FLI1: variants seen among roughly 807,000 people sequenced by gnomAD.
FLI1 encodes the protein Fli-1 proto-oncogene, ETS transcription factor.
In FLI1, 13 loss-of-function variants were observed where a neutral mutation model predicts 53.1. That is an observed-to-expected ratio of 0.24 (90% CI 0.16 to 0.39). The LOEUF (loss-of-function observed/expected upper bound fraction) is 0.39, where lower values mean the gene tolerates loss of function less well. FLI1 is among the 10% of genes least tolerant of loss of function. The pLI, the probability that FLI1 is intolerant of heterozygous loss-of-function variation, is 1.00. For missense variants in FLI1, 424 were observed against 600.5 expected (o/e 0.71, Z 3.07); for synonymous variants, 244 against 236.7 (o/e 1.03, Z -0.28).
chr11:128,729,915 C>T (rs758466616), intron 1 of FLI1, among the ~76,000 whole-genome samples: 11 of 152,242 alleles, frequency 7.2e-5, no homozygotes, highest in African/African-American at 2.2e-4. Context: ...AGAAGAACTG[C>T]ACCTTTTAGG....
At chr11:128,764,876 A>G (rs1941271078) in intron 2 of FLI1, 1 of 1,558,224 alleles carries the variant, frequency 6.4e-7, no homozygotes, top group Middle Eastern at 2.3e-4. Flanking sequence ...CAGCTGGGCA[A>G]GTGTGGGGAA....
chr11:128,742,030 A>G (rs559095498), intron 1 of FLI1, among the ~76,000 whole-genome samples: 1 of 152,004 alleles, frequency 6.6e-6, no homozygotes, highest in African/African-American at 2.4e-5. Context: ...CATCGTTCCT[A>G]CCATATTTAA....
intron 2 of FLI1, chr11:128,764,612 C>T (rs777787584): frequency 7.4e-5 from 112 of 1,519,766 alleles, no homozygotes; most frequent in Non-Finnish European, 9.4e-5. Flanking sequence ...TCGTCCCGCA[C>T]TCCCCCTCCC....
intron 2 of FLI1, among the ~76,000 whole-genome samples, chr11:128,767,872 T>C (rs551539792): frequency 1.3e-5 from 2 of 152,346 alleles, no homozygotes; most frequent in East Asian, 3.9e-4. Flanking sequence ...GACCTTGGTC[T>C]GAGGGCACTG....
At chr11:128,779,378 A>G (rs1455489243) in intron 4 of FLI1, among the ~76,000 whole-genome samples, 1 of 152,144 alleles carries the variant, frequency 6.6e-6, no homozygotes, top group East Asian at 1.9e-4. Context: ...TTCCCTCCGA[A>G]CATTTGGTTC....
Position 128,758,107 on chromosome 11 carries a change from C to T in FLI1, c.19-8C>T. ...ACTGGGCTTTCTGTCTCTTCTCTGG[C>T]CCTGCAGGAGGCTCTGTCGGTGGTG... On this transcript the variant is annotated splice_polypyrimidine_tract_variant and splice_region_variant and intron_variant, in intron 1 of 8. Transcript: ENST00000527786. 1 of 1,607,858 alleles carries T rather than the reference C, an allele frequency of 6.2e-7. No homozygotes were observed. The highest frequency in any genetic ancestry group is 8.5e-7 in the Non-Finnish European group (1 of 1,177,084).
chr11:128,768,299 C>G (rs530328798), intron 3 of FLI1, 27 bp downstream of exon 3: 1 of 1,592,474 alleles, frequency 6.3e-7, no homozygotes, highest in East Asian at 2.3e-5. Context: ...GCTGCCTGGG[C>G]GCCATTCACT....
chr11:128,809,057 C>A, intron 7 of FLI1, 100 bp from the exon 8 acceptor site: 2 of 896,208 alleles, frequency 2.2e-6, no homozygotes, highest in Non-Finnish European at 3.5e-6. Context: ...TTCCTGTGAT[C>A]TTGAAATAAA....
In FLI1 at chr11:128,772,846, C is replaced by T. The variant is rs1425646679; in HGVS notation, c.450C>T (p.Ser150=). 2 of 1,613,950 alleles carry T rather than the reference C, an allele frequency of 1.2e-6. No homozygotes were observed. The highest frequency in any genetic ancestry group is 1.3e-5 in the African/African-American group (1 of 75,028). Residue 150 remains serine (S), a synonymous_variant, in exon 4 of 9, where the codon AGC becomes AGT. Transcript: ENST00000527786. Reference sequence around the variant, plus strand: ...TGGAGTGGGCCATAAAGGAGTACAGCTTGATGGAGATCGACACATCCTTTT... The same window carrying T: ...TGGAGTGGGCCATAAAGGAGTACAGTTTGATGGAGATCGACACATCCTTTT... ...QWLEWAIKEY[S]LMEIDTSFFQ...
At chr11:128,770,031 G>T (rs373565539) in intron 3 of FLI1, among the ~76,000 whole-genome samples, 6 of 152,294 alleles carry the variant, frequency 3.9e-5, no homozygotes, top group African/African-American at 1.2e-4. Context: ...GGACTGAAGG[G>T]TTTGGGGATC....
intron 1 of FLI1, among the ~76,000 whole-genome samples, chr11:128,753,364 CTT>C (rs1940727266): frequency 6.6e-6 from 1 of 152,212 alleles, no homozygotes; most frequent in South Asian, 2.1e-4. Context: ...CCCCACAAGT[CTT>C]TTAAATAATA....
rs1280569764 is a variant in FLI1, at chr11:128,811,895, A to G, written c.*907A>G. On this transcript the variant is annotated 3_prime_UTR_variant, in exon 9 of 9. Transcript: ENST00000527786. ...TATTAAAAATAAATAATTAAAAATT[A>G]AGAATAAATAAACGAGTTGACCTCG... 1.0e-5 allele frequency: 2 copies of G among 196,870 alleles called. No individual in the cohort carries two copies. Among genetic ancestry groups the G allele is most frequent in the African/African-American group, 4.6e-5 (2 of 43,218 alleles). The allele number at this position is 196,870 out of a possible 1,614,324, so 12.2% of individuals were successfully genotyped here. A position where few individuals can be genotyped will look rare whatever the true frequency, so the allele number is the denominator to read the frequency against.
upstream of FLI1, among the ~76,000 whole-genome samples, chr11:128,688,922 A>G (rs1467733437): frequency 6.6e-6 from 1 of 152,184 alleles, no homozygotes; most frequent in African/African-American, 2.4e-5. Context: ...GAGGTAGTCC[A>G]TTCTGCAGGC....
chr11:128,758,691 T>C (rs1940993350), intron 2 of FLI1, among the ~76,000 whole-genome samples: 2 of 152,318 alleles, frequency 1.3e-5, no homozygotes, highest in African/African-American at 2.4e-5. Flanking sequence ...CTGTTGAAGA[T>C]ACTTAACCCC....
intron 1 of FLI1, among the ~76,000 whole-genome samples, chr11:128,733,886 T>C (rs1343497356): frequency 6.6e-6 from 1 of 152,208 alleles, no homozygotes; most frequent in Non-Finnish European, 1.5e-5. Flanking sequence ...TCTCAAGTCA[T>C]TGTTCAGTGA....
chr11:128,745,332 C>T (rs548298024), intron 1 of FLI1, among the ~76,000 whole-genome samples: 2 of 152,122 alleles, frequency 1.3e-5, no homozygotes, highest in Non-Finnish European at 2.9e-5. Context: ...CAGAGACGGC[C>T]CTGGCTGCCG....
In FLI1 at chr11:128,768,452, C is replaced by T. The variant is rs751834478; in HGVS notation, c.385+180C>T. ...ATCCCAGCACTTTGAGAGGCCAAGA[C>T]GGGTGAATCACTTGTCAGGAGTTCA... is the stretch of plus-strand genomic sequence containing the variant. On this transcript the variant is annotated intron_variant, in intron 3 of 8. Transcript: ENST00000527786. 7.8e-5 allele frequency: 51 copies of T among 657,974 alleles called. No individual in the cohort carries two copies. In the Middle Eastern group the frequency reaches 1.4e-3, roughly 18 times the overall value. 40.8% of individuals were successfully genotyped at this position (657,974 alleles called of 1,614,324 possible).
chr11:128,795,969 G>A (rs777046836), intron 5 of FLI1, among the ~76,000 whole-genome samples: 4 of 152,042 alleles, frequency 2.6e-5, no homozygotes, highest in Non-Finnish European at 5.9e-5. Context: ...ACTCTCTCCC[G>A]CCCCTGCCAA....
chr11:128,761,183 C>T (rs1484826369), intron 2 of FLI1, among the ~76,000 whole-genome samples: 1 of 152,230 alleles, frequency 6.6e-6, no homozygotes, highest in Non-Finnish European at 1.5e-5. Context: ...CCCAGGCACC[C>T]TCGTGCCTCA....
Sources: gnomAD v4.1 joint callset for allele counts (sites outside exome capture counted in the v4.1 genomes callset) on GRCh38, gnomAD v4.1.1 for gene constraint, MANE v1.5 for transcripts, NCBI Gene and HGNC (gene_info 2026-07-23, HGNC 2026-07-21) for gene names.